The following AK9 variants were observed in gnomAD, a reference collection of about 807,000 sequenced individuals.
AK9 encodes adenylate kinase domain containing 1.
In AK9, 191 loss-of-function variants were observed where a neutral mutation model predicts 239.6. That is an observed-to-expected ratio of 0.80 (90% CI 0.71 to 0.90). The LOEUF is 0.90. AK9 is among the 40% of genes least tolerant of loss of function. AK9 has a pLI of 0.00. For synonymous variants in AK9, 689 were observed against 721.0 expected, an observed-to-expected ratio of 0.96 and a Z score of 0.71; for missense variants, 1,995 against 2,214.7, an observed-to-expected ratio of 0.90 and a Z score of 1.99.
chr6:109,553,869 T>C (rs561753712), intron 24 of AK9, among the ~76,000 whole-genome samples: 2 of 152,206 alleles, frequency 1.3e-5, no homozygotes, highest in Non-Finnish European at 2.9e-5. Flanking sequence ...TTTTGAGATA[T>C]GTTCCATCAA....
chr6:109,679,994 G>A (rs1227363608), intron 1 of AK9, among the ~76,000 whole-genome samples: 3 of 152,182 alleles, frequency 2.0e-5, no homozygotes, highest in South Asian at 4.1e-4. Context: ...CAAAGATGGG[G>A]AGAAACCAGC....
chr6:109,589,671 C>T (rs1179992805), intron 17 of AK9, among the ~76,000 whole-genome samples: 1 of 152,112 alleles, frequency 6.6e-6, no homozygotes, highest in Admixed American at 6.6e-5. Context: ...TTTAACTTTT[C>T]CTCATTCAGT....
chr6:109,622,465 T>G (rs1418549761), intron 12 of AK9, among the ~76,000 whole-genome samples: 2 of 142,656 alleles, frequency 1.4e-5, no homozygotes, highest in African/African-American at 5.1e-5. Context: ...TAATATAATA[T>G]TAATATAATA....
At chr6:109,545,212 G>A (rs1562383602) in intron 26 of AK9, among the ~76,000 whole-genome samples, 1 of 152,118 alleles carries the variant, frequency 6.6e-6, no homozygotes, top group Admixed American at 6.6e-5. Context: ...GGTCAAGGTG[G>A]GTAAATGGCT....
At chr6:109,674,126 A>G (rs1227338508) in intron 3 of AK9, 72 bp downstream of exon 3, 1 of 1,290,556 alleles carries the variant, frequency 7.7e-7, no homozygotes, top group South Asian at 1.5e-5. Flanking sequence ...CATTCACTGT[A>G]TAATTATCTC....
intron 21 of AK9, 22 bp from the exon 22 acceptor site, chr6:109,564,867 T>C: frequency 6.7e-7 from 1 of 1,485,260 alleles, no homozygotes; most frequent in Non-Finnish European, 9.1e-7. Context: ...AATCGAATAG[T>C]TAGTGTTTAA....
chr6:109,510,449 G>A (rs1479378144), intron 32 of AK9, among the ~76,000 whole-genome samples: 1 of 151,948 alleles, frequency 6.6e-6, no homozygotes, highest in Non-Finnish European at 1.5e-5. Context: ...TTGCAGAGAG[G>A]AACTACCCTC....
Position 109,573,501 on chromosome 6 carries a change from C to A in AK9, c.2285G>T (p.Gly762Val), listed in dbSNP as rs538453902. 1 of 1,551,268 alleles carries A rather than the reference C, an allele frequency of 6.4e-7. No individual in the cohort carries two copies. Among genetic ancestry groups the A allele is most frequent in the South Asian group, 1.2e-5 (1 of 84,024 alleles). ...EEPEASHDTRGSWLPEEFEAS... is the reference protein window; with the variant it reads ...EEPEASHDTRVSWLPEEFEAS... ...TTCAAACTCCTCAGGTAACCATGACCCTCGGGTATCGTGAGATGCCTCAGG... is the reference window on the plus strand; with the variant it reads ...TTCAAACTCCTCAGGTAACCATGACACTCGGGTATCGTGAGATGCCTCAGG... Residue 762 changes from glycine to valine, a missense_variant, in exon 21 of 41, where the codon GGG becomes GTG. Around this residue, in one of 5 missense-constraint regions of AK9, gnomAD observed 1,290 missense variants for 1,392.7 expected, o/e 0.93. Transcript: ENST00000424296.
chr6:109,639,934 G>A (rs967590542), intron 10 of AK9, among the ~76,000 whole-genome samples: 11 of 152,140 alleles, frequency 7.2e-5, no homozygotes, highest in African/African-American at 2.4e-4. Context: ...GTTTTGGTTA[G>A]GTTTGTCAAA....
intron 27 of AK9, among the ~76,000 whole-genome samples, chr6:109,540,308 G>GC (rs1258327477): frequency 6.6e-5 from 10 of 152,308 alleles, no homozygotes; most frequent in Admixed American, 4.6e-4. Flanking sequence ...AATGGTGGGT[G>GC]CCCCTCCCCC....
intron 17 of AK9, among the ~76,000 whole-genome samples, chr6:109,607,876 A>G (rs1793096082): frequency 1.3e-5 from 2 of 152,102 alleles, no homozygotes; most frequent in African/African-American, 4.8e-5. Context: ...ATAATCTTAA[A>G]GAAGTAAGCA....
At chr6:109,598,148 C>T (rs1044784604) in intron 17 of AK9, among the ~76,000 whole-genome samples, 4 of 152,130 alleles carry the variant, frequency 2.6e-5, no homozygotes, top group East Asian at 1.9e-4. Flanking sequence ...TATGTACACA[C>T]GTGCCATGCT....
chr6:109,539,406 G>T (rs927600159), intron 27 of AK9, among the ~76,000 whole-genome samples: 2 of 152,156 alleles, frequency 1.3e-5, no homozygotes, highest in Non-Finnish European at 2.9e-5. Context: ...GGCTACTGAA[G>T]CTTGTGCATT....
intron 6 of AK9, among the ~76,000 whole-genome samples, chr6:109,662,182 G>A (rs890957006): frequency 6.6e-5 from 10 of 152,214 alleles, no homozygotes; most frequent in African/African-American, 2.2e-4. Flanking sequence ...ACAGGGAGCG[G>A]AGAGCACCAC....
At chr6:109,584,973 C>T (rs559601662) in intron 19 of AK9, 150 bp downstream of exon 19, 50 of 582,858 alleles carry the variant, frequency 8.6e-5, no homozygotes, top group South Asian at 2.3e-4. Flanking sequence ...TTTGTGAAAT[C>T]GCTGCTTTTC....
At chr6:109,523,711 T>C (rs1280257430) in intron 29 of AK9, among the ~76,000 whole-genome samples, 1 of 152,056 alleles carries the variant, frequency 6.6e-6, no homozygotes, top group African/African-American at 2.4e-5. Context: ...AGAGTGAGGG[T>C]AAATGCCAGA....
chr6:109,573,507 G>T lies in AK9; in HGVS notation c.2279C>A (p.Thr760Asn). Residue 760 changes from threonine (T) to asparagine (N), a missense_variant, in exon 21 of 41, where the codon ACC (threonine) becomes AAC (asparagine). Coordinates refer to ENST00000424296, the MANE Select transcript of AK9 (RefSeq NM_001145128.3). Reference protein sequence around the residue: ...VHEEPEASHDTRGSWLPEEFE... With the variant: ...VHEEPEASHDNRGSWLPEEFE... Reference sequence around the variant, plus strand: ...CTCCTCAGGTAACCATGACCCTCGGGTATCGTGAGATGCCTCAGGCTCTTC... The same window carrying T: ...CTCCTCAGGTAACCATGACCCTCGGTTATCGTGAGATGCCTCAGGCTCTTC... 6.4e-7 allele frequency: 1 copy of T among 1,551,330 alleles called. No homozygotes were observed. Among genetic ancestry groups the T allele is most frequent in the Non-Finnish European group, 8.7e-7 (1 of 1,146,772 alleles).
chr6:109,673,207 G>C (rs946008507), intron 3 of AK9, among the ~76,000 whole-genome samples: 5 of 151,638 alleles, frequency 3.3e-5, no homozygotes, highest in African/African-American at 1.2e-4. Context: ...TTTTAGAGTT[G>C]TGTGTGTGTG....
At chr6:109,649,327 G>T (rs1798566354) in intron 8 of AK9, among the ~76,000 whole-genome samples, 1 of 151,790 alleles carries the variant, frequency 6.6e-6, no homozygotes, top group African/African-American at 2.4e-5. Context: ...TGACATGATT[G>T]CATATCTAGA....
Sources: allele counts gnomAD v4.1 joint callset (sites outside exome capture counted in the v4.1 genomes callset), GRCh38; gene constraint gnomAD v4.1.1; regional missense constraint gnomAD v4.1.1; transcripts MANE v1.5; gene names NCBI Gene and HGNC (gene_info 2026-07-23, HGNC 2026-07-21).